CLOCK: variants seen among roughly 807,000 people sequenced by gnomAD.
The protein encoded by CLOCK is clock circadian regulator, also known as circadian locomoter output cycles protein kaput.
In CLOCK, 43 loss-of-function variants were observed where a neutral mutation model predicts 118.4. The observed-to-expected ratio is 0.36, with a 90% confidence interval of 0.28 to 0.47. The LOEUF is 0.47. Among genes scored for constraint, CLOCK ranks in the 20% least tolerant of loss-of-function variants. The pLI is 1.00. For missense variants in CLOCK, 846 were observed against 999.9 expected (o/e 0.85, Z 2.08); for synonymous variants, 326 against 339.2 (o/e 0.96, Z 0.43).
At chr4:55,460,063 C>T (rs1032230714) in intron 9 of CLOCK, among the ~76,000 whole-genome samples, 1 of 152,170 alleles carries the variant, frequency 6.6e-6, no homozygotes, top group South Asian at 2.1e-4. Flanking sequence ...TTATGGGCTC[C>T]ATCTTCCATA....
At chr4:55,505,307 A>T (rs1021538779) in intron 2 of CLOCK, among the ~76,000 whole-genome samples, 1 of 152,134 alleles carries the variant, frequency 6.6e-6, no homozygotes, top group Non-Finnish European at 1.5e-5. Flanking sequence ...AGGGGACTAT[A>T]TTTTTTAAGC....
Position 55,448,599 on chromosome 4 carries a change from CGCGTGTGTGTGTGTGT to C in CLOCK, c.1539+164_1539+179del, listed in dbSNP as rs1425583887. 7.6e-3 allele frequency among the ~76,000 whole-genome samples: 804 copies of C among 105,660 alleles called. 4 individuals are homozygous for C. Among genetic ancestry groups the C allele is most frequent in the South Asian group, 0.014 (43 of 3,116 alleles). 69.3% of individuals were successfully genotyped at this position (105,660 alleles called of 152,430 possible). ...TTATATATGTGCGCGCGCGCACGCG[CGCGTGTGTGTGTGTGT>C]GTGTGTGTGTGTGTGTGTGTGTGTG... On this transcript the variant is annotated intron_variant, in intron 18 of 22. Transcript: ENST00000513440.
chr4:55,499,837 G>A (rs1728320415), intron 2 of CLOCK, among the ~76,000 whole-genome samples: 1 of 152,218 alleles, frequency 6.6e-6, no homozygotes, highest in South Asian at 2.1e-4. Flanking sequence ...CATGGATGCA[G>A]TAGGTAGGAC....
In CLOCK at chr4:55,492,723, TA is replaced by T. The variant is rs552812523; in HGVS notation, c.-135-3259del. On this transcript the variant is annotated intron_variant, in intron 2 of 22. Coordinates refer to ENST00000513440, the MANE Select transcript of CLOCK (RefSeq NM_004898.4). ...AGCTGGGCATGGTGGCACACGCCTGTAATCCCAGTTACTCGGGAGGGTGAGG... is the reference window on the plus strand; with the variant it reads ...AGCTGGGCATGGTGGCACACGCCTGTATCCCAGTTACTCGGGAGGGTGAGG... 1.9e-3 allele frequency among the ~76,000 whole-genome samples: 290 copies of T among 152,150 alleles called. 1 individual carries two copies. The highest frequency in any genetic ancestry group is 6.8e-3 in the African/African-American group (282 of 41,524).
chr4:55,546,661 C>A (rs1231879423), intron 1 of CLOCK, 121 bp downstream of exon 1: 1 of 129,406 alleles, frequency 7.7e-6, no homozygotes, highest in Non-Finnish European at 1.6e-5. Context: ...CTCCTGTGGC[C>A]AGCTCCTCCT....
chr4:55,470,660 A>G, intron 8 of CLOCK, 57 bp downstream of exon 8: 3 of 1,234,978 alleles, frequency 2.4e-6, no homozygotes, highest in Non-Finnish European at 3.6e-6. Context: ...CCAGTGCTTT[A>G]GAATATTTAA....
chr4:55,476,504 T>G (rs1294938309), intron 6 of CLOCK, among the ~76,000 whole-genome samples: 2 of 152,324 alleles, frequency 1.3e-5, no homozygotes, highest in East Asian at 3.9e-4. Context: ...AAAGAATGCC[T>G]TAGGCCTGCC....
Position 55,450,302 on chromosome 4 carries a change from TAAC to T in CLOCK, c.1207-73_1207-71del, listed in dbSNP as rs891464423. On this transcript the variant is annotated intron_variant, in intron 15 of 22. Transcript: ENST00000513440. ...AGAGATCTCAAATTCACAATACTGTTAACAACAACAAAAAAATCAGTTTTTGTC... is the reference window on the plus strand; with the variant it reads ...AGAGATCTCAAATTCACAATACTGTTAACAACAAAAAAATCAGTTTTTGTC... 22 of 1,581,214 alleles carry T rather than the reference TAAC, an allele frequency of 1.4e-5. 1 individual carries two copies. The highest frequency in any genetic ancestry group is 6.6e-5 in the South Asian group (6 of 90,400).
chr4:55,491,784 A>G (rs1443971472), intron 2 of CLOCK, among the ~76,000 whole-genome samples: 2 of 151,626 alleles, frequency 1.3e-5, no homozygotes, highest in Non-Finnish European at 2.9e-5. Flanking sequence ...ATGCAACAGC[A>G]CAGATGACTT....
intron 2 of CLOCK, among the ~76,000 whole-genome samples, chr4:55,495,030 CCAA>C (rs1194943925): frequency 6.6e-6 from 1 of 152,114 alleles, no homozygotes; most frequent in African/African-American, 2.4e-5. Flanking sequence ...CTGGCTCTCA[CCAA>C]CACTTCCCTT....
chr4:55,487,804 T>A (rs1727394811), intron 3 of CLOCK, among the ~76,000 whole-genome samples: 1 of 152,160 alleles, frequency 6.6e-6, no homozygotes, highest in Non-Finnish European at 1.5e-5. Context: ...GTTTCAGCTT[T>A]CCCACAGCAG....
At chr4:55,449,543 G>T in intron 16 of CLOCK, 47 bp from the exon 17 acceptor site, 3 of 1,439,854 alleles carry the variant, frequency 2.1e-6, no homozygotes, top group Non-Finnish European at 2.9e-6. Flanking sequence ...ATAAAATATA[G>T]TTTTTAAAGA....
At chr4:55,473,468 T>C (rs1726285047) in intron 7 of CLOCK, among the ~76,000 whole-genome samples, 2 of 152,172 alleles carry the variant, frequency 1.3e-5, no homozygotes, top group Non-Finnish European at 2.9e-5. Context: ...TATGGTAACA[T>C]TTCTGCTGAA....
At chr4:55,473,774 G>C (rs1726304648) in intron 7 of CLOCK, among the ~76,000 whole-genome samples, 1 of 151,864 alleles carries the variant, frequency 6.6e-6, no homozygotes, top group Non-Finnish European at 1.5e-5. Context: ...GTCACATTTT[G>C]GTAATTCTTG....
chr4:55,451,329 C>T (rs927346212), intron 15 of CLOCK, among the ~76,000 whole-genome samples: 1 of 152,188 alleles, frequency 6.6e-6, no homozygotes, highest in African/African-American at 2.4e-5. Flanking sequence ...TGATCATTCA[C>T]TCCTCACTGA....
chr4:55,445,369 C>T (rs892169894), intron 18 of CLOCK, among the ~76,000 whole-genome samples: 29 of 152,066 alleles, frequency 1.9e-4, no homozygotes, highest in African/African-American at 6.0e-4. Flanking sequence ...TGGCTTCCAG[C>T]TCTCTACCTC....
chr4:55,496,511 A>G (rs1728097881), intron 2 of CLOCK, among the ~76,000 whole-genome samples: 1 of 152,200 alleles, frequency 6.6e-6, no homozygotes, highest in Non-Finnish European at 1.5e-5. Context: ...TATCATATTG[A>G]TAAGCTATTC....
intron 7 of CLOCK, among the ~76,000 whole-genome samples, chr4:55,472,955 C>T (rs1363044612): frequency 6.6e-6 from 1 of 152,042 alleles, no homozygotes; most frequent in Admixed American, 6.6e-5. Context: ...AACTGTTCGC[C>T]AGGCTTACAC....
At chr4:55,507,896 A>G (rs1728911044) in intron 2 of CLOCK, among the ~76,000 whole-genome samples, 1 of 152,202 alleles carries the variant, frequency 6.6e-6, no homozygotes, top group Admixed American at 6.5e-5. Context: ...CACTCTTAGG[A>G]AACTGGTAAT....
Sources: allele counts gnomAD v4.1 joint callset (sites outside exome capture counted in the v4.1 genomes callset), GRCh38; gene constraint gnomAD v4.1.1; transcripts MANE v1.5; gene names NCBI Gene and HGNC (gene_info 2026-07-23, HGNC 2026-07-21).